The following AGBL4 variants were observed in gnomAD, a reference collection of about 807,000 sequenced individuals.
AGBL4 encodes cytosolic carboxypeptidase 6.
AGBL4 carries 58 observed loss-of-function variants against 66.4 expected under a neutral mutation model. The observed-to-expected ratio is 0.87, with a 90% CI of 0.71 to 1.09. The LOEUF is 1.09. AGBL4 is among the 50% of genes least tolerant of loss of function. AGBL4 has a pLI of 0.00. For missense variants in AGBL4, 579 were observed against 631.0 expected (o/e 0.92, Z 0.88); for synonymous variants, 234 against 222.9 (o/e 1.05, Z -0.44).
At chr1:49,925,334 G>A (rs900581860) in intron 1 of AGBL4, among the ~76,000 whole-genome samples, 1 of 152,066 alleles carries the variant, frequency 6.6e-6, no homozygotes, top group Non-Finnish European at 1.5e-5. Context: ...GGTCCTGACA[G>A]GATTCGCCAC....
chr1:49,531,316 T>C (rs1651123883), intron 3 of AGBL4, among the ~76,000 whole-genome samples: 1 of 152,210 alleles, frequency 6.6e-6, no homozygotes, highest in South Asian at 2.1e-4. Flanking sequence ...AGTTTACTCA[T>C]CTGCAAAACA....
At chr1:49,311,638 T>A (rs1557829542) in intron 3 of AGBL4, among the ~76,000 whole-genome samples, 1 of 152,038 alleles carries the variant, frequency 6.6e-6, no homozygotes, top group Non-Finnish European at 1.5e-5. Flanking sequence ...TGTTCCTGGA[T>A]GCAAAGAATT....
intron 5 of AGBL4, among the ~76,000 whole-genome samples, chr1:49,006,173 C>T (rs947715388): frequency 1.3e-5 from 2 of 152,064 alleles, no homozygotes; most frequent in South Asian, 4.1e-4. Context: ...GTGCGTGCAC[C>T]GTGCGCGAGC....
chr1:49,560,383 A>G (rs900643580), intron 3 of AGBL4, among the ~76,000 whole-genome samples: 2 of 152,188 alleles, frequency 1.3e-5, no homozygotes, highest in African/African-American at 4.8e-5. Context: ...AAAGCAAAAG[A>G]AAAAATTAGT....
intron 3 of AGBL4, among the ~76,000 whole-genome samples, chr1:49,389,042 T>C (rs1250795283): frequency 6.6e-6 from 1 of 152,112 alleles, no homozygotes; most frequent in Non-Finnish European, 1.5e-5. Flanking sequence ...GGAGACAATA[T>C]GTTAAGAATG....
intron 7 of AGBL4, among the ~76,000 whole-genome samples, chr1:48,660,327 A>T (rs1296237028): frequency 2.6e-5 from 4 of 152,246 alleles, no homozygotes; most frequent in Non-Finnish European, 5.9e-5. Context: ...GGTCCCAGCC[A>T]GATGGGCACA....
chr1:48,726,350 GT>G (rs1014235718), intron 6 of AGBL4, among the ~76,000 whole-genome samples: 40 of 152,064 alleles, frequency 2.6e-4, no homozygotes, highest in African/African-American at 9.4e-4. Context: ...ATGATGCAAA[GT>G]TTTTTTCCAG....
intron 3 of AGBL4, among the ~76,000 whole-genome samples, chr1:49,256,099 C>T (rs75688429): frequency 0.018 from 2,767 of 152,132 alleles, 35 homozygotes; most frequent in Non-Finnish European, 0.03. Context: ...TGCAGCAAAC[C>T]CTCATGACAC....
chr1:49,747,944 T>TGTG (rs1651120881), intron 2 of AGBL4, among the ~76,000 whole-genome samples: 9 of 147,560 alleles, frequency 6.1e-5, no homozygotes. Context: ...GTGTGTGTGT[T>TGTG]TGTGTGTGTG....
intron 2 of AGBL4, chr1:49,841,873 G>T: frequency 1.7e-6 from 1 of 594,222 alleles, no homozygotes. Flanking sequence ...AGCCATTCCT[G>T]CCAGAAGCCA....
At chr1:49,275,904 AC>A (rs975163096) in intron 3 of AGBL4, among the ~76,000 whole-genome samples, 4 of 152,110 alleles carry the variant, frequency 2.6e-5, no homozygotes, top group African/African-American at 9.7e-5. Context: ...CAGTCATTAT[AC>A]CTGCTGATGT....
chr1:48,610,059 T>C (rs1645213354), intron 9 of AGBL4, among the ~76,000 whole-genome samples: 2 of 152,174 alleles, frequency 1.3e-5, no homozygotes, highest in African/African-American at 4.8e-5. Flanking sequence ...TTTCTTCATC[T>C]CTGAAATAAA....
intron 6 of AGBL4, among the ~76,000 whole-genome samples, chr1:48,704,588 T>A (rs569077506): frequency 6.6e-6 from 1 of 152,212 alleles, no homozygotes; most frequent in Non-Finnish European, 1.5e-5. Flanking sequence ...TAAACATTTT[T>A]GTTAAAAACT....
At chr1:49,037,065 T>C (rs962299708) in intron 5 of AGBL4, among the ~76,000 whole-genome samples, 4 of 152,068 alleles carry the variant, frequency 2.6e-5, no homozygotes, top group East Asian at 1.9e-4. Flanking sequence ...ACTTAAAGTA[T>C]AATAATAAAA....
intron 3 of AGBL4, among the ~76,000 whole-genome samples, chr1:49,503,937 G>A (rs887914671): frequency 6.6e-6 from 1 of 152,126 alleles, no homozygotes; most frequent in African/African-American, 2.4e-5. Flanking sequence ...GGAAAGGCAT[G>A]ATTGTGTTTT....
At chr1:49,063,056 A>G (rs1644430780) in intron 4 of AGBL4, among the ~76,000 whole-genome samples, 1 of 152,220 alleles carries the variant, frequency 6.6e-6, no homozygotes, top group Admixed American at 6.5e-5. Flanking sequence ...GGTAATTGAA[A>G]TGAGTAAATT....
intron 3 of AGBL4, among the ~76,000 whole-genome samples, chr1:49,362,074 C>T (rs1243410775): frequency 6.6e-6 from 1 of 152,128 alleles, no homozygotes; most frequent in Non-Finnish European, 1.5e-5. Flanking sequence ...AAATAGTCAA[C>T]CTTGATTTTT....
At chr1:49,011,400 T>A (rs1198669756) in intron 5 of AGBL4, among the ~76,000 whole-genome samples, 1 of 152,082 alleles carries the variant, frequency 6.6e-6, no homozygotes, top group Non-Finnish European at 1.5e-5. Context: ...GGAGAGGGTG[T>A]GGAGAAATAG....
chr1:49,477,057 G>C (rs1646861279), intron 3 of AGBL4, among the ~76,000 whole-genome samples: 2 of 152,096 alleles, frequency 1.3e-5, no homozygotes, highest in South Asian at 4.1e-4. Context: ...CACTAAAATA[G>C]AATACCAGGT....
Sources: allele counts gnomAD v4.1 joint callset (sites outside exome capture counted in the v4.1 genomes callset), GRCh38; gene constraint gnomAD v4.1.1; transcripts MANE v1.5; gene names NCBI Gene and HGNC (gene_info 2026-07-23, HGNC 2026-07-21).